The following SLC5A1 variants were observed in gnomAD, a reference collection of about 807,000 sequenced individuals.
The protein encoded by SLC5A1 is sodium/glucose cotransporter 1.
SLC5A1 carries 42 observed loss-of-function variants against 73.5 expected under a neutral mutation model. That is an observed-to-expected ratio of 0.57 (90% CI 0.45 to 0.74). The LOEUF is 0.74. Ranked by LOEUF, SLC5A1 falls within the 30% of genes least tolerant of loss-of-function variation. The pLI is 0.00. For missense variants in SLC5A1, 634 were observed against 855.4 expected (o/e 0.74, Z 3.23); for synonymous variants, 300 against 317.4 (o/e 0.95, Z 0.58).
At chr22:32,078,034 AAT>A (rs1488774216) in intron 5 of SLC5A1, among the ~76,000 whole-genome samples, 1 of 152,204 alleles carries the variant, frequency 6.6e-6, no homozygotes, top group African/African-American at 2.4e-5. Flanking sequence ...TTGCAATTAG[AAT>A]ATGCGCATCA....
rs920671336 is a variant in SLC5A1, at chr22:32,090,800, C to T, written c.1130-812C>T. Among the ~76,000 whole-genome samples, 8 of 151,626 alleles carry T rather than the reference C, an allele frequency of 5.3e-5. No homozygotes were observed. The South Asian group carries it at 1.7e-3, about 32-fold the overall frequency. On this transcript the variant is annotated intron_variant, in intron 10 of 14. Coordinates refer to ENST00000266088, the MANE Select transcript of SLC5A1 (RefSeq NM_000343.4). ...GCTGAATGTTTAACCATCTGAAAAA[C>T]TGACTGACCCAGACTATTTTCTGCA...
intron 5 of SLC5A1, among the ~76,000 whole-genome samples, chr22:32,080,902 G>A (rs1286709446): frequency 1.3e-5 from 2 of 152,154 alleles, no homozygotes; most frequent in South Asian, 2.1e-4. Flanking sequence ...GCTGAGGCAG[G>A]AGAATCGCTT....
intron 14 of SLC5A1, among the ~76,000 whole-genome samples, chr22:32,106,767 A>G (rs1444201922): frequency 6.6e-6 from 1 of 152,174 alleles, no homozygotes; most frequent in Non-Finnish European, 1.5e-5. Flanking sequence ...GGAAACGTGC[A>G]CACGTGGAGG....
At chr22:32,088,030 A>T (rs2094011007) in intron 10 of SLC5A1, among the ~76,000 whole-genome samples, 1 of 152,214 alleles carries the variant, frequency 6.6e-6, no homozygotes, top group African/African-American at 2.4e-5. Context: ...CATTCAAATT[A>T]TATAAAAATG....
chr22:32,047,140 G>T (rs1043112588), intron 1 of SLC5A1, among the ~76,000 whole-genome samples: 1 of 152,150 alleles, frequency 6.6e-6, no homozygotes, highest in Admixed American at 6.5e-5. Flanking sequence ...TTTCCATGGG[G>T]GAGTGTCAAG....
At chr22:32,105,338 G>A (rs1297309589) in intron 14 of SLC5A1, among the ~76,000 whole-genome samples, 5 of 146,746 alleles carry the variant, frequency 3.4e-5, no homozygotes, top group Non-Finnish European at 6.0e-5. Flanking sequence ...TTGTTGCCTA[G>A]GCTGGAGTGC....
intron 13 of SLC5A1, among the ~76,000 whole-genome samples, chr22:32,103,806 C>G (rs1409042790): frequency 6.6e-6 from 1 of 152,148 alleles, no homozygotes; most frequent in Non-Finnish European, 1.5e-5. Context: ...CTAATTGATT[C>G]AAGACTTCAA....
chr22:32,108,336 C>T (rs1029474048), intron 14 of SLC5A1, among the ~76,000 whole-genome samples: 1 of 152,232 alleles, frequency 6.6e-6, no homozygotes, highest in East Asian at 1.9e-4. Flanking sequence ...CTCCTGACCT[C>T]GTGATCCACC....
intron 11 of SLC5A1, among the ~76,000 whole-genome samples, chr22:32,098,120 T>C (rs1411719695): frequency 6.6e-6 from 1 of 152,228 alleles, no homozygotes; most frequent in Non-Finnish European, 1.5e-5. Context: ...GTAGAGGCAA[T>C]TTGAAAATCA....
chr22:32,068,668 GC>G, intron 5 of SLC5A1, 68 bp downstream of exon 5: 1 of 1,093,282 alleles, frequency 9.1e-7, no homozygotes, highest in Non-Finnish European at 1.4e-6. Flanking sequence ...ATCACATGCT[GC>G]CCACCAAGAG....
chr22:32,048,993 C>T (rs1227692688), intron 1 of SLC5A1, among the ~76,000 whole-genome samples: 11 of 151,484 alleles, frequency 7.3e-5, no homozygotes, highest in Non-Finnish European at 1.5e-4. Context: ...TTGCTTGAAC[C>T]CAGGAGGCAG....
chr22:32,079,101 ACT>A (rs2149491009), intron 5 of SLC5A1, among the ~76,000 whole-genome samples: 1 of 152,156 alleles, frequency 6.6e-6, no homozygotes, highest in African/African-American at 2.4e-5. Context: ...AAACTGTAAA[ACT>A]CTCTGAACAT....
chr22:32,108,885 A>G (rs2094051079), intron 14 of SLC5A1, among the ~76,000 whole-genome samples: 1 of 152,118 alleles, frequency 6.6e-6, no homozygotes, highest in African/African-American at 2.4e-5. Flanking sequence ...TAAAGCTAAA[A>G]TTCTGTGATG....
intron 11 of SLC5A1, among the ~76,000 whole-genome samples, chr22:32,096,982 T>C (rs147785614): frequency 6.6e-6 from 1 of 152,372 alleles, no homozygotes; most frequent in East Asian, 1.9e-4. Context: ...CCATAGAAAG[T>C]AGCACTGTTA....
At chr22:32,086,918 C>T (rs910913886) in intron 10 of SLC5A1, among the ~76,000 whole-genome samples, 3 of 152,128 alleles carry the variant, frequency 2.0e-5, no homozygotes, top group Non-Finnish European at 2.9e-5. Context: ...CAATGGGATA[C>T]TATTCACCCT....
chr22:32,105,239 C>A, intron 14 of SLC5A1, among the ~76,000 whole-genome samples: 1 of 152,090 alleles, frequency 6.6e-6, no homozygotes, highest in East Asian at 1.9e-4. Flanking sequence ...GGGTGTCCAC[C>A]CCCTCAAGCA....
chr22:32,075,608 A>G (rs544314644), intron 5 of SLC5A1, among the ~76,000 whole-genome samples: 1 of 152,156 alleles, frequency 6.6e-6, no homozygotes, highest in African/African-American at 2.4e-5. Flanking sequence ...GTAGGTTAGA[A>G]TTCAAGACCC....
At chr22:32,095,142 G>A (rs1172676761) in intron 11 of SLC5A1, among the ~76,000 whole-genome samples, 1 of 152,106 alleles carries the variant, frequency 6.6e-6, no homozygotes, top group African/African-American at 2.4e-5. Flanking sequence ...CCATGTATTT[G>A]CATGGTTTTG....
chr22:32,104,118 A>G (rs2094040952), intron 13 of SLC5A1, among the ~76,000 whole-genome samples: 1 of 152,226 alleles, frequency 6.6e-6, no homozygotes, highest in Non-Finnish European at 1.5e-5. Flanking sequence ...TGACAAACCT[A>G]ACGTCAAACA....
Sources: allele counts gnomAD v4.1 joint callset (sites outside exome capture counted in the v4.1 genomes callset), GRCh38; gene constraint gnomAD v4.1.1; transcripts MANE v1.5; gene names NCBI Gene and HGNC (gene_info 2026-07-23, HGNC 2026-07-21).